The following ARL15 variants were observed in gnomAD, a reference collection of about 807,000 sequenced individuals.
The protein encoded by ARL15 is ADP-ribosylation factor-like protein 15.
In ARL15, 19 loss-of-function variants were observed where a neutral mutation model predicts 25.2. That is an observed-to-expected ratio of 0.75 (90% CI 0.53 to 1.10). ARL15 has a LOEUF of 1.10. Among genes scored for constraint, ARL15 ranks in the 50% least tolerant of loss-of-function variants. The pLI is 0.00. For missense variants in ARL15, 220 were observed against 246.0 expected (o/e 0.89, Z 0.71); for synonymous variants, 94 against 86.8 (o/e 1.08, Z -0.46).
intron 4 of ARL15, among the ~76,000 whole-genome samples, chr5:54,082,946 G>A (rs906598980): frequency 1.3e-5 from 2 of 152,110 alleles, no homozygotes. Flanking sequence ...TGGAGGAGTG[G>A]CTACCTTTGT....
intron 1 of ARL15, among the ~76,000 whole-genome samples, chr5:54,220,828 A>G (rs76449225): frequency 6.6e-6 from 1 of 152,084 alleles, no homozygotes; most frequent in African/African-American, 2.4e-5. Context: ...CAGTCCTCCT[A>G]AAGCACCCCC....
Position 54,217,461 on chromosome 5 carries a change from T to C in ARL15, c.49-45533A>G, listed in dbSNP as rs554235905. Reference sequence around the variant, plus strand: ...CTGTAATGCATGTTCCTAAGGGACCTGCAAAAAACTAATATAAGAAGGTAA... The same window carrying C: ...CTGTAATGCATGTTCCTAAGGGACCCGCAAAAAACTAATATAAGAAGGTAA... On this transcript the variant is annotated intron_variant, in intron 1 of 4. Transcript: ENST00000504924. Among the ~76,000 whole-genome samples the C allele has an allele frequency of 1.5e-4, 23 of 152,108 alleles. 1 individual carries two copies. The highest frequency in any genetic ancestry group is 1.2e-3 in the Admixed American group (18 of 15,274).
chr5:54,212,482 G>A (rs1209557566), intron 1 of ARL15, among the ~76,000 whole-genome samples: 3 of 152,262 alleles, frequency 2.0e-5, no homozygotes, highest in African/African-American at 7.2e-5. Flanking sequence ...GAGCAACACA[G>A]CCACATCTAG....
At position 54,219,557 on chromosome 5, in the gene ARL15, T is replaced by G. The variant is rs557281036; in HGVS notation, c.49-47629A>C. On this transcript the variant is annotated intron_variant, in intron 1 of 4. Transcript: ENST00000504924. ...GGAACTAATTAAATAAATTACATACTAATTAAATACAAGTTATTTGGGAAC... is the reference window on the plus strand; with the variant it reads ...GGAACTAATTAAATAAATTACATACGAATTAAATACAAGTTATTTGGGAAC... 5.9e-5 allele frequency among the ~76,000 whole-genome samples: 9 copies of G among 152,282 alleles called. No homozygotes were observed. The East Asian group carries it at 1.7e-3, about 29-fold the overall frequency.
At chr5:54,293,785 A>C (rs1335121585) in intron 1 of ARL15, among the ~76,000 whole-genome samples, 1 of 152,126 alleles carries the variant, frequency 6.6e-6, no homozygotes, top group African/African-American at 2.4e-5. Context: ...TTCATAGAAG[A>C]CTTTATGCCC....
chr5:54,191,289 T>C (rs1755392708), intron 1 of ARL15, among the ~76,000 whole-genome samples: 2 of 152,106 alleles, frequency 1.3e-5, no homozygotes, highest in Non-Finnish European at 2.9e-5. Context: ...TGTAGAATGG[T>C]AGTTACCAGG....
intron 1 of ARL15, among the ~76,000 whole-genome samples, chr5:54,310,113 A>C (rs1014648746): frequency 6.6e-6 from 1 of 152,220 alleles, no homozygotes; most frequent in African/African-American, 2.4e-5. Flanking sequence ...CGGAGAGCGC[A>C]GAGGGAAGCC....
At chr5:54,094,437 A>C (rs796794610) in intron 4 of ARL15, among the ~76,000 whole-genome samples, 22 of 152,080 alleles carry the variant, frequency 1.4e-4, no homozygotes, top group African/African-American at 5.3e-4. Context: ...AAAAAAAAAA[A>C]CCAGTAATGA....
chr5:54,306,857 T>C (rs1758770199), intron 1 of ARL15, among the ~76,000 whole-genome samples: 1 of 152,160 alleles, frequency 6.6e-6, no homozygotes, highest in Non-Finnish European at 1.5e-5. Flanking sequence ...AGATCAATCA[T>C]CACATGAGTC....
intron 4 of ARL15, among the ~76,000 whole-genome samples, chr5:53,923,842 GC>G (rs1427732075): frequency 6.6e-6 from 1 of 151,904 alleles, no homozygotes; most frequent in Non-Finnish European, 1.5e-5. Flanking sequence ...TCCAGCCTGG[GC>G]AACAGAGCAA....
intron 3 of ARL15, among the ~76,000 whole-genome samples, chr5:54,125,129 C>T (rs187623374): frequency 3.3e-5 from 5 of 150,018 alleles, no homozygotes; most frequent in African/African-American, 9.9e-5. Context: ...TTGCCAAGGC[C>T]GGAGTGCAAT....
chr5:54,267,734 T>C (rs990742808), intron 1 of ARL15, among the ~76,000 whole-genome samples: 3 of 152,166 alleles, frequency 2.0e-5, no homozygotes, highest in African/African-American at 7.2e-5. Context: ...TGAAGCTTAG[T>C]TTGGCTGGAT....
chr5:54,152,350 T>C (rs1180248215), intron 3 of ARL15, among the ~76,000 whole-genome samples: 1 of 152,172 alleles, frequency 6.6e-6, no homozygotes, highest in Admixed American at 6.5e-5. Flanking sequence ...TTTATACAGG[T>C]TAGCCTAGCT....
intron 1 of ARL15, among the ~76,000 whole-genome samples, chr5:54,205,446 A>G (rs1579909411): frequency 1.3e-5 from 2 of 152,326 alleles, no homozygotes. Flanking sequence ...AGTTTGTTCC[A>G]AACAGAACAA....
At chr5:54,153,101 AT>A (rs1229166041) in intron 3 of ARL15, among the ~76,000 whole-genome samples, 1 of 152,236 alleles carries the variant, frequency 6.6e-6, no homozygotes, top group Admixed American at 6.5e-5. Context: ...TAACAGCCAT[AT>A]TTAAAACCCA....
intron 1 of ARL15, among the ~76,000 whole-genome samples, chr5:54,275,779 G>A (rs376288731): frequency 9.9e-5 from 15 of 151,310 alleles, no homozygotes; most frequent in African/African-American, 2.2e-4. Flanking sequence ...CTGCCTCCCC[G>A]GTTCACGCTA....
intron 4 of ARL15, among the ~76,000 whole-genome samples, chr5:53,895,773 A>AC (rs138232688): frequency 0.086 from 13,049 of 152,078 alleles, 689 homozygotes; most frequent in Non-Finnish European, 0.13. Flanking sequence ...TTCATTTTTA[A>AC]CTCATTTTAT....
At chr5:54,095,828 T>A (rs1263290594) in intron 4 of ARL15, among the ~76,000 whole-genome samples, 9 of 145,532 alleles carry the variant, frequency 6.2e-5, no homozygotes, top group Non-Finnish European at 1.2e-4. Flanking sequence ...AAAAAAAACA[T>A]CCAAAGAGAA....
chr5:54,110,334 C>T lies in ARL15; in HGVS notation c.462+2868G>A, dbSNP rs148995619. Among the ~76,000 whole-genome samples the T allele has an allele frequency of 2.7e-3, 416 of 152,156 alleles. 1 individual carries two copies. The highest frequency in any genetic ancestry group is 9.6e-3 in the African/African-American group (400 of 41,560). On this transcript the variant is annotated intron_variant, in intron 4 of 4. Coordinates refer to ENST00000504924, the MANE Select transcript of ARL15 (RefSeq NM_019087.3). ...CTAAAGTCAACAGTATCCAGACACA[C>T]TCATCAACCAATAGTGTGTTTGTAC...
Sources: allele counts gnomAD v4.1 joint callset (sites outside exome capture counted in the v4.1 genomes callset), GRCh38; gene constraint gnomAD v4.1.1; transcripts MANE v1.5; gene names NCBI Gene and HGNC (gene_info 2026-07-23, HGNC 2026-07-21).